Variants in KALRN observed in about 807,000 individuals in gnomAD.
KALRN encodes the protein kalirin RhoGEF kinase.
In KALRN, 70 loss-of-function variants were observed where a neutral mutation model predicts 353.7. The ratio of observed to expected loss-of-function variants is 0.20; its 90% CI spans 0.16 to 0.24. The LOEUF is 0.24. Among genes scored for constraint, KALRN ranks in the 10% least tolerant of loss-of-function variants. The probability of loss-of-function intolerance (pLI) is 1.00; values close to 1 mark genes in which losing one functional copy is unlikely to be tolerated. For missense variants in KALRN, 2,791 were observed against 3,756.7 expected (o/e 0.74, Z 6.72); for synonymous variants, 1,391 against 1,434.8 (o/e 0.97, Z 0.69).
intron 1 of KALRN, chr3:124,152,231 A>G: frequency 6.3e-7 from 1 of 1,577,786 alleles, no homozygotes; most frequent in Non-Finnish European, 8.6e-7. Context: ...CCACGCTTGT[A>G]GATTAGTTCA....
At chr3:124,292,881 T>G (rs956608828) in intron 5 of KALRN, among the ~76,000 whole-genome samples, 1 of 152,232 alleles carries the variant, frequency 6.6e-6, no homozygotes, top group Non-Finnish European at 1.5e-5. Context: ...TGAATCTCCC[T>G]GATACCCTAA....
intron 33 of KALRN, among the ~76,000 whole-genome samples, chr3:124,552,488 C>T (rs1433782624): frequency 6.6e-6 from 1 of 152,222 alleles, no homozygotes; most frequent in African/African-American, 2.4e-5. Flanking sequence ...ACCCTACAAC[C>T]ACAGTGTAAA....
chr3:124,236,848 G>A (rs12634417), intron 3 of KALRN, among the ~76,000 whole-genome samples: 6,828 of 152,294 alleles, frequency 0.045, 292 homozygotes, highest in East Asian at 0.18. Context: ...CTGCTTCTCA[G>A]GGGGTGGTCA....
intron 15 of KALRN, among the ~76,000 whole-genome samples, chr3:124,429,736 C>T (rs766387835): frequency 7.2e-5 from 11 of 152,190 alleles, no homozygotes; most frequent in African/African-American, 1.7e-4. Context: ...TTCTTTCTCC[C>T]AGTGATTGTT....
chr3:124,320,818 C>A (rs940031444), intron 6 of KALRN, among the ~76,000 whole-genome samples: 1 of 152,176 alleles, frequency 6.6e-6, no homozygotes, highest in Non-Finnish European at 1.5e-5. Context: ...GGGCTCCAGA[C>A]CTTTAACTCC....
In KALRN at chr3:124,329,981, G is replaced by A. The variant is rs1560582010; in HGVS notation, c.1405G>A (p.Ala469Thr). Residue 469 changes from alanine (A) to threonine (T), a missense_variant, in exon 8 of 60, where the codon GCC becomes ACC. By Grantham distance (58) the Ala-to-Thr change is moderately conservative. This residue lies in a region of KALRN where 366 missense variants were observed against 489.2 expected (regional missense o/e 0.75). Transcript: ENST00000682506. Reference protein sequence around the residue: ...HQTLYEQVTQAYTEVSQDGKA... With the variant: ...HQTLYEQVTQTYTEVSQDGKA... Reference sequence around the variant, plus strand: ...GACCTTGTATGAGCAGGTGACCCAAGCCTACACAGAGGTGAGAATGGAGCA... The same window carrying A: ...GACCTTGTATGAGCAGGTGACCCAAACCTACACAGAGGTGAGAATGGAGCA... 1.9e-6 allele frequency: 3 copies of A among 1,613,644 alleles called. No homozygotes were observed. Among genetic ancestry groups the A allele is most frequent in the Non-Finnish European group, 2.5e-6 (3 of 1,179,788 alleles).
In KALRN at chr3:124,035,392, A is replaced by C. The variant is rs138494325; in HGVS notation, c.73+1579A>C. On this transcript the variant is annotated intron_variant, in intron 1 of 59. Coordinates refer to ENST00000682506, the MANE Select transcript of KALRN (RefSeq NM_001388419.1). ...GAATTCATAACTGGGACTAGAAACA[A>C]ATTGACCAGTCAATCAAAAACCCAG... is the stretch of plus-strand genomic sequence containing the variant. 5.2e-3 allele frequency among the ~76,000 whole-genome samples: 794 copies of C among 152,196 alleles called. 4 individuals are homozygous for C. Among genetic ancestry groups the C allele is most frequent in the South Asian group, 0.015 (71 of 4,816 alleles).
intron 1 of KALRN, among the ~76,000 whole-genome samples, chr3:124,081,561 A>T (rs1437664861): frequency 1.3e-5 from 2 of 152,182 alleles, no homozygotes; most frequent in Non-Finnish European, 2.9e-5. Context: ...GCTTGAACCT[A>T]GGAGTTCAAG....
intron 51 of KALRN, among the ~76,000 whole-genome samples, chr3:124,682,675 C>G (rs1235883241): frequency 6.6e-6 from 1 of 152,216 alleles, no homozygotes; most frequent in African/African-American, 2.4e-5. Flanking sequence ...TACCTTCAGG[C>G]TGGCATTTGT....
intron 11 of KALRN, 59 bp downstream of exon 11, chr3:124,385,095 A>T (rs2088016747): frequency 6.8e-7 from 1 of 1,462,930 alleles, no homozygotes; most frequent in Admixed American, 2.1e-5. Flanking sequence ...TCGGCTTCCT[A>T]GTAAAATGGC....
At chr3:124,490,359 G>A (rs2063019470) in intron 29 of KALRN, among the ~76,000 whole-genome samples, 1 of 152,352 alleles carries the variant, frequency 6.6e-6, no homozygotes, top group South Asian at 2.1e-4. Context: ...GAAAGTTGTG[G>A]AGGACAAAGG....
At chr3:124,035,209 G>T (rs1269689723) in intron 1 of KALRN, among the ~76,000 whole-genome samples, 1 of 151,622 alleles carries the variant, frequency 6.6e-6, no homozygotes, top group Non-Finnish European at 1.5e-5. Context: ...CCGAGACATG[G>T]ATTCTATTTT....
intron 33 of KALRN, among the ~76,000 whole-genome samples, chr3:124,498,096 A>G (rs1352038250): frequency 6.6e-6 from 1 of 152,224 alleles, no homozygotes; most frequent in Admixed American, 6.5e-5. Context: ...CAATTCTAGT[A>G]GTTAGTGGGA....
intron 57 of KALRN, among the ~76,000 whole-genome samples, chr3:124,708,587 G>C (rs1451772501): frequency 6.6e-6 from 1 of 151,972 alleles, no homozygotes; most frequent in Non-Finnish European, 1.5e-5. Context: ...GAAGAATAGA[G>C]AGAAAAAATG....
intron 33 of KALRN, among the ~76,000 whole-genome samples, chr3:124,531,882 TG>T (rs1292668435): frequency 6.6e-6 from 1 of 152,166 alleles, no homozygotes; most frequent in Non-Finnish European, 1.5e-5. Context: ...CCCCTGTCCA[TG>T]AATGATAGGT....
At chr3:124,713,265 C>A (rs559733998) in intron 58 of KALRN, 130 bp downstream of exon 58, 2 of 585,558 alleles carry the variant, frequency 3.4e-6, no homozygotes, top group East Asian at 3.0e-5. Flanking sequence ...ATATAACATG[C>A]ACTCTCTCCC....
At chr3:124,650,723 G>A in intron 37 of KALRN, 85 bp from the exon 38 acceptor site, 1 of 1,357,084 alleles carries the variant, frequency 7.4e-7, no homozygotes, top group East Asian at 2.3e-5. Context: ...TTTCCATGTT[G>A]TCTGTGGCTA....
chr3:124,608,541 C>G (rs1408217052), intron 34 of KALRN, among the ~76,000 whole-genome samples: 1 of 152,052 alleles, frequency 6.6e-6, no homozygotes, highest in Non-Finnish European at 1.5e-5. Flanking sequence ...CCCTTCTTCC[C>G]CTCCCTCCTG....
chr3:124,287,943 G>A (rs1053281823), intron 5 of KALRN, among the ~76,000 whole-genome samples: 5 of 146,972 alleles, frequency 3.4e-5, no homozygotes, highest in East Asian at 2.0e-4. Context: ...GTGTGATCTC[G>A]GCACACTGCA....
Sources: gnomAD v4.1 joint callset for allele counts (sites outside exome capture counted in the v4.1 genomes callset) on GRCh38, gnomAD v4.1.1 for gene constraint, gnomAD v4.1.1 regional missense constraint, MANE v1.5 for transcripts, NCBI Gene and HGNC (gene_info 2026-07-23, HGNC 2026-07-21) for gene names.